The following PTPRD variants were observed in gnomAD, a reference collection of about 807,000 sequenced individuals.
PTPRD encodes the protein protein tyrosine phosphatase receptor type D.
Under a neutral mutation model 214.5 loss-of-function variants are expected in PTPRD, and 34 were observed. The observed-to-expected ratio is 0.16, with a 90% CI of 0.12 to 0.21. The LOEUF (loss-of-function observed/expected upper bound fraction) is 0.21, where lower values mean the gene tolerates loss of function less well. Ranked by LOEUF, PTPRD falls within the 10% of genes least tolerant of loss-of-function variation. The pLI is 1.00. For synonymous variants in PTPRD, 1,128 were observed against 845.7 expected (o/e 1.33, Z -5.79); for missense variants, 2,545 against 2,398.7 (o/e 1.06, Z -1.27).
chr9:10,507,889 G>T (rs145567282), intron 2 of PTPRD, among the ~76,000 whole-genome samples: 3,449 of 152,202 alleles, frequency 0.023, 138 homozygotes, highest in East Asian at 0.17. Flanking sequence ...ATAGGCATGG[G>T]CAAGGACTTC....
chr9:10,196,463 G>C (rs886544844), intron 3 of PTPRD, among the ~76,000 whole-genome samples: 1 of 152,038 alleles, frequency 6.6e-6, no homozygotes, highest in African/African-American at 2.4e-5. Context: ...AACATCCGTC[G>C]AAAGACAAAA....
chr9:10,239,160 A>G (rs886628849), intron 3 of PTPRD, among the ~76,000 whole-genome samples: 3 of 151,970 alleles, frequency 2.0e-5, no homozygotes, highest in Non-Finnish European at 4.4e-5. Flanking sequence ...TCTAAATTTA[A>G]AAAAGATTAA....
intron 10 of PTPRD, among the ~76,000 whole-genome samples, chr9:9,102,896 C>G (rs995468529): frequency 6.6e-6 from 1 of 152,066 alleles, no homozygotes; most frequent in Non-Finnish European, 1.5e-5. Context: ...AATGAATTAA[C>G]GCTATAATTT....
intron 37 of PTPRD, among the ~76,000 whole-genome samples, chr9:8,387,741 G>C (rs1232922629): frequency 3.3e-5 from 5 of 152,138 alleles, no homozygotes; most frequent in Non-Finnish European, 7.4e-5. Flanking sequence ...CTGGGCCCCA[G>C]TATACTCATA....
At chr9:8,514,225 A>T (rs1000864028) in intron 21 of PTPRD, among the ~76,000 whole-genome samples, 1 of 152,168 alleles carries the variant, frequency 6.6e-6, no homozygotes, top group Non-Finnish European at 1.5e-5. Context: ...TTTTCAATAG[A>T]TTACGACTGA....
intron 3 of PTPRD, among the ~76,000 whole-genome samples, chr9:10,126,293 A>C (rs2098818593): frequency 6.6e-6 from 1 of 152,042 alleles, no homozygotes; most frequent in Non-Finnish European, 1.5e-5. Flanking sequence ...TACCAGTTAT[A>C]ATTTCCCATT....
intron 5 of PTPRD, among the ~76,000 whole-genome samples, chr9:9,901,203 T>G (rs1046908939): frequency 3.9e-5 from 6 of 152,176 alleles, no homozygotes; most frequent in African/African-American, 1.4e-4. Context: ...GGACTAGCCT[T>G]TAGCAGCCAC....
intron 6 of PTPRD, among the ~76,000 whole-genome samples, chr9:9,740,602 C>G (rs1020400700): frequency 3.9e-5 from 6 of 152,206 alleles, no homozygotes; most frequent in South Asian, 2.1e-4. Context: ...CCCTCGTGAT[C>G]TGTCTGCCTT....
chr9:8,982,370 T>A (rs182351570), intron 11 of PTPRD, among the ~76,000 whole-genome samples: 4 of 152,034 alleles, frequency 2.6e-5, no homozygotes, highest in Non-Finnish European at 5.9e-5. Flanking sequence ...CCTCTATAAG[T>A]CTCATAAGGG....
At chr9:8,905,515 G>C (rs938978202) in intron 11 of PTPRD, among the ~76,000 whole-genome samples, 30 of 151,986 alleles carry the variant, frequency 2.0e-4, no homozygotes, top group African/African-American at 6.3e-4. Context: ...GAGGCGGGCG[G>C]ATTACCTGAG....
At chr9:8,756,779 A>T (rs191627590) in intron 11 of PTPRD, among the ~76,000 whole-genome samples, 6 of 152,308 alleles carry the variant, frequency 3.9e-5, no homozygotes, top group African/African-American at 1.4e-4. Flanking sequence ...TAATTAAAAA[A>T]AAATTTAAGT....
intron 8 of PTPRD, among the ~76,000 whole-genome samples, chr9:9,444,812 C>T (rs919111948): frequency 1.3e-5 from 2 of 152,038 alleles, no homozygotes; most frequent in African/African-American, 4.8e-5. Context: ...AATTATGCCC[C>T]ATGTAAGCAA....
chr9:8,853,704 A>G (rs2097860475), intron 11 of PTPRD, among the ~76,000 whole-genome samples: 1 of 152,222 alleles, frequency 6.6e-6, no homozygotes. Flanking sequence ...GGAATTCTCA[A>G]TCTTGTAGTT....
intron 3 of PTPRD, among the ~76,000 whole-genome samples, chr9:10,034,666 A>T (rs2097145990): frequency 6.6e-6 from 1 of 152,072 alleles, no homozygotes; most frequent in South Asian, 2.1e-4. Context: ...ATAAGTGAGA[A>T]CATGCAGTAT....
chr9:10,445,972 G>T (rs988544471), intron 2 of PTPRD, among the ~76,000 whole-genome samples: 5 of 152,028 alleles, frequency 3.3e-5, no homozygotes, highest in Non-Finnish European at 5.9e-5. Flanking sequence ...CAAAATGTGT[G>T]TATTCAGAAG....
intron 3 of PTPRD, among the ~76,000 whole-genome samples, chr9:10,212,300 T>A (rs115121867): frequency 0.012 from 1,787 of 152,152 alleles, 33 homozygotes; most frequent in African/African-American, 0.041. Flanking sequence ...GAAATTGATA[T>A]CAAGGCATCT....
intron 14 of PTPRD, among the ~76,000 whole-genome samples, chr9:8,615,238 G>C (rs995335960): frequency 7.0e-6 from 1 of 142,096 alleles, no homozygotes; most frequent in Non-Finnish European, 1.5e-5. Context: ...GCGTTAATGG[G>C]AGCTGTGGGA....
At chr9:8,497,207 G>C in intron 26 of PTPRD, 35 bp downstream of exon 26, 3 of 1,552,574 alleles carry the variant, frequency 1.9e-6, no homozygotes, top group Non-Finnish European at 2.6e-6. Flanking sequence ...AGCATATATA[G>C]TCTGCTTTTG....
Position 9,928,929 on chromosome 9 carries a change from G to A in PTPRD, c.-368+9578C>T, listed in dbSNP as rs1387542394. Among the ~76,000 whole-genome samples the A allele has an allele frequency of 4.6e-5, 7 of 152,086 alleles. 1 individual carries two copies. Among genetic ancestry groups the A allele is most frequent in the Admixed American group, 3.3e-4 (5 of 15,270 alleles). On this transcript the variant is annotated intron_variant, in intron 5 of 45. Transcript: ENST00000381196. ...GTACTTAAACATTTATAAAATATTT[G>A]TAAAAGGCTTTCACAAATACAGTAG...
Sources: allele counts gnomAD v4.1 joint callset (sites outside exome capture counted in the v4.1 genomes callset), GRCh38; gene constraint gnomAD v4.1.1; transcripts MANE v1.5; gene names NCBI Gene and HGNC (gene_info 2026-07-23, HGNC 2026-07-21).